RRM1: variants seen among roughly 807,000 people sequenced by gnomAD.
The protein encoded by RRM1 is ribonucleotide reductase catalytic subunit M1, also known as ribonucleoside-diphosphate reductase large subunit.
Under a neutral mutation model 101.5 loss-of-function variants are expected in RRM1, and 19 were observed. The ratio of observed to expected loss-of-function variants is 0.19; its 90% CI spans 0.13 to 0.27. The LOEUF is 0.27. RRM1 is among the 10% of genes least tolerant of loss of function. The pLI, the probability that RRM1 is intolerant of heterozygous loss-of-function variation, is 1.00. For synonymous variants in RRM1, 298 were observed against 323.4 expected (o/e 0.92, Z 0.84); for missense variants, 500 against 962.9 (o/e 0.52, Z 6.36).
intron 16 of RRM1, 140 bp from the exon 17 acceptor site, chr11:4,133,423 C>T: frequency 1.8e-6 from 1 of 542,614 alleles, no homozygotes; most frequent in Non-Finnish European, 3.3e-6. Context: ...GATGTCTCGT[C>T]TTTATAAAAG....
chr11:4,106,102 A>G lies in RRM1; in HGVS notation c.165A>G (p.Glu55=), dbSNP rs202132948. The change falls in exon 3 of 19, where the codon GAA becomes GAG. Residue 55 remains glutamate, a synonymous_variant. Transcript: ENST00000300738. ...TGTACAGTGGGGTCACCACAGTGGA[A>G]CTAGATACTTTGGCTGCTGAAACAG... ...QGLYSGVTTV[E]LDTLAAETAA... is the part of the protein sequence containing the mutation. The G allele has an allele frequency of 3.8e-5, 61 of 1,614,064 alleles. No homozygotes were observed. The highest frequency in any genetic ancestry group is 1.3e-4 in the Admixed American group (8 of 60,014).
chr11:4,097,497 G>GT (rs2094545350), intron 1 of RRM1, among the ~76,000 whole-genome samples: 2 of 151,058 alleles, frequency 1.3e-5, no homozygotes, highest in African/African-American at 4.9e-5. Context: ...ATATTTTAAT[G>GT]TTTTTTAATA....
At chr11:4,130,086 A>ATATATTTT (rs1202870487) in intron 15 of RRM1, among the ~76,000 whole-genome samples, 2 of 99,484 alleles carry the variant, frequency 2.0e-5, no homozygotes, top group African/African-American at 1.1e-4. Context: ...ATATATATAT[A>ATATATTTT]TTTTTTTTTT....
At chr11:4,115,871 A>T (rs1279051805) in intron 7 of RRM1, among the ~76,000 whole-genome samples, 1 of 152,060 alleles carries the variant, frequency 6.6e-6, no homozygotes, top group Non-Finnish European at 1.5e-5. Context: ...TTCCACTTAT[A>T]TCTCGATAGG....
chr11:4,094,795 G>A, upstream of RRM1: 1 of 593,748 alleles, frequency 1.7e-6, no homozygotes, highest in East Asian at 2.8e-5. Flanking sequence ...GAACCCCGTC[G>A]CGCCCCTTTG....
At chr11:4,112,403 AC>A in intron 7 of RRM1, among the ~76,000 whole-genome samples, 1 of 152,022 alleles carries the variant, frequency 6.6e-6, no homozygotes, top group Non-Finnish European at 1.5e-5. Context: ...TCACTCTGTC[AC>A]CCAGGCTGGA....
intron 15 of RRM1, among the ~76,000 whole-genome samples, chr11:4,130,400 C>T (rs2094598033): frequency 6.6e-6 from 1 of 151,878 alleles, no homozygotes; most frequent in Admixed American, 6.6e-5. Flanking sequence ...TGTGATCAAA[C>T]TTGATGTATT....
In RRM1 at chr11:4,094,848, G is replaced by T. The variant is rs1043180101; in HGVS notation, c.-165G>T. The T allele has an allele frequency of 4.4e-6, 3 of 680,448 alleles. No individual in the cohort carries two copies. The highest frequency in any genetic ancestry group is 5.1e-6 in the Non-Finnish European group (2 of 390,942). The allele number at this position is 680,448 out of a possible 1,614,324, so 42.2% of individuals were successfully genotyped here. A position where few individuals can be genotyped will look rare whatever the true frequency, so the allele number is the denominator to read the frequency against. ...GCGCGGGAAGGGGATTTGGATTGTT[G>T]CGCCTCTGCTCTGAAGAAAGTGCTG... On this transcript the variant is annotated 5_prime_UTR_variant, in exon 1 of 19. Coordinates refer to ENST00000300738, the MANE Select transcript of RRM1 (RefSeq NM_001033.5).
chr11:4,130,082 ATATATTTT>A (rs1397606178), intron 15 of RRM1, among the ~76,000 whole-genome samples: 3 of 96,906 alleles, frequency 3.1e-5, no homozygotes, highest in Non-Finnish European at 5.6e-5. Flanking sequence ...ATATATATAT[ATATATTTT>A]TTTTTTTTTT....
At chr11:4,105,745 C>T (rs763101307) in intron 2 of RRM1, 8 of 387,120 alleles carry the variant, frequency 2.1e-5, no homozygotes, top group South Asian at 6.5e-5. Flanking sequence ...AGATTGGGGG[C>T]GGGGCAGGGT....
rs755669461 is a variant in RRM1, at chr11:4,109,605, A to C, written c.388-39A>C. ...AGAGATTTTGTGAAAATAAGTAATT[A>C]TTTTAATTTAATTATGGGTTCTTTT... On this transcript the variant is annotated intron_variant, in intron 4 of 18. Coordinates refer to ENST00000300738, the MANE Select transcript of RRM1 (RefSeq NM_001033.5). 7 of 1,533,274 alleles carry C rather than the reference A, an allele frequency of 4.6e-6. No homozygotes were observed. In the East Asian group the frequency reaches 1.1e-4, roughly 25 times the overall value. 95.0% of individuals were successfully genotyped at this position (1,533,274 alleles called of 1,614,324 possible). A position where few individuals can be genotyped will look rare whatever the true frequency, so the allele number is the denominator to read the frequency against.
chr11:4,101,997 C>A lies in RRM1; in HGVS notation c.24C>A (p.Gly8=), dbSNP rs753244439. The A allele has an allele frequency of 5.7e-6, 9 of 1,567,948 alleles. No homozygotes were observed. In the South Asian group the frequency reaches 9.0e-5, roughly 16 times the overall value. Residue 8 remains glycine, a synonymous_variant, in exon 2 of 19, where the codon GGC becomes GGA. Transcript: ENST00000300738. Reference sequence around the variant, plus strand: ...TAACATGATTTGATTCTTTAGATGGCCGCCAAGAACGAGTCATGTTTGACA... The same window carrying A: ...TAACATGATTTGATTCTTTAGATGGACGCCAAGAACGAGTCATGTTTGACA... MHVIKRD[G]RQERVMFDKI...
chr11:4,108,649 GTATCTGATGTTAAA>G (rs1169335671), intron 4 of RRM1, among the ~76,000 whole-genome samples: 2 of 143,930 alleles, frequency 1.4e-5, no homozygotes, highest in East Asian at 4.2e-4. Flanking sequence ...CTCTAAACAT[GTATCTGATGTTAAA>G]GAGACTAGGA....
At position 4,126,779 on chromosome 11, in the gene RRM1, C is replaced by T. The variant is rs1050318251; in HGVS notation, c.1416C>T (p.Val472=). 9.9e-6 allele frequency: 16 copies of T among 1,613,508 alleles called. No individual in the cohort carries two copies. Among genetic ancestry groups the T allele is most frequent in the African/African-American group, 2.7e-5 (2 of 75,020 alleles). The change falls in exon 13 of 19, where the codon GTC becomes GTT. Residue 472 remains valine (V), a synonymous_variant. Transcript: ENST00000300738. Reference sequence around the variant, plus strand: ...AGAAGTTGGCTGAAGTCACTAAAGTCGTTGTCCGAAACTTGAATAAAATTA... The same window carrying T: ...AGAAGTTGGCTGAAGTCACTAAAGTTGTTGTCCGAAACTTGAATAAAATTA... The part of the protein sequence containing the change: ...DFKKLAEVTK[V]VVRNLNKIID...
intron 12 of RRM1, among the ~76,000 whole-genome samples, 188 bp downstream of exon 12, chr11:4,123,572 A>C (rs777053676): frequency 2.0e-5 from 3 of 152,250 alleles, no homozygotes; most frequent in Non-Finnish European, 4.4e-5. Context: ...AATGTTTTTT[A>C]GTCTAAGCCG....
intron 10 of RRM1, 27 bp from the exon 11 acceptor site, chr11:4,122,114 T>G (rs1031800848): frequency 2.6e-6 from 4 of 1,562,836 alleles, no homozygotes; most frequent in Non-Finnish European, 3.5e-6. Context: ...AAGTTTCTTA[T>G]GAGTGATTTT....
intron 15 of RRM1, among the ~76,000 whole-genome samples, chr11:4,130,086 A>ATATATATATTT (rs1202870487): frequency 1.0e-5 from 1 of 99,446 alleles, no homozygotes; most frequent in African/African-American, 5.4e-5. Context: ...ATATATATAT[A>ATATATATATTT]TTTTTTTTTT....
intron 1 of RRM1, among the ~76,000 whole-genome samples, chr11:4,099,893 GACTTCAGA>G (rs1426601868): frequency 6.6e-6 from 1 of 150,528 alleles, no homozygotes; most frequent in African/African-American, 2.4e-5. Flanking sequence ...TTTCCTGATT[GACTTCAGA>G]ACTTCTGGCA....
At position 4,110,160 on chromosome 11, in the gene RRM1, AT is replaced by A. The variant is rs561332791; in HGVS notation, c.447+467del. ...CAACAACAAATTTAATTAAAAAAAA[AT>A]TTTTTTTTTGAGTCTGTGTCTCACT... is the stretch of plus-strand genomic sequence containing the variant. On this transcript the variant is annotated intron_variant, in intron 5 of 18. Coordinates refer to ENST00000300738, the MANE Select transcript of RRM1 (RefSeq NM_001033.5). 3.0e-3 allele frequency among the ~76,000 whole-genome samples: 452 copies of A among 150,396 alleles called. 4 individuals carry two copies. Among genetic ancestry groups the A allele is most frequent in the African/African-American group, 0.01 (417 of 40,978 alleles).
Sources: gnomAD v4.1 joint callset for allele counts (sites outside exome capture counted in the v4.1 genomes callset) on GRCh38, gnomAD v4.1.1 for gene constraint, MANE v1.5 for transcripts, NCBI Gene and HGNC (gene_info 2026-07-23, HGNC 2026-07-21) for gene names.